Variants in CHD4 observed in about 807,000 individuals in gnomAD.
CHD4 encodes the protein ATP-dependent chromatin remodeler CHD4.
A neutral mutation model predicts 235.5 loss-of-function variants in CHD4; 35 were observed. That is an observed-to-expected ratio of 0.15 (90% CI 0.11 to 0.20). CHD4 has a LOEUF of 0.20. Among genes scored for constraint, CHD4 ranks in the 10% least tolerant of loss-of-function variants. The probability of loss-of-function intolerance (pLI) is 1.00; values close to 1 mark genes in which losing one functional copy is unlikely to be tolerated. For missense variants in CHD4, 1,329 were observed against 2,432.3 expected (o/e 0.55, Z 9.54); for synonymous variants, 900 against 850.2 (o/e 1.06, Z -1.02).
intron 25 of CHD4, among the ~76,000 whole-genome samples, chr12:6,586,037 T>C (rs1389676517): frequency 6.7e-6 from 1 of 150,196 alleles, no homozygotes; most frequent in Non-Finnish European, 1.5e-5. Context: ...GAAGTGGAGG[T>C]TGCAGTAGGC....
intron 1 of CHD4, 189 bp from the exon 2 acceptor site, chr12:6,606,640 C>T: frequency 2.7e-6 from 1 of 364,184 alleles, no homozygotes; most frequent in Non-Finnish European, 5.0e-6. Flanking sequence ...GGCGCCCCCA[C>T]GGAGCGAGGG....
Position 6,583,412 on chromosome 12 carries a change from C to T in CHD4, c.3880-34G>A, listed in dbSNP as rs1350435968. The T allele has an allele frequency of 1.9e-6, 3 of 1,562,906 alleles. No homozygotes were observed. The African/African-American group carries it at 4.1e-5, about 21-fold the overall frequency. ...GAGGGAGGGCCAGGACTCAGGAGTG[C>T]TGAAGTCAGCACCACCAGCTACCCC... On this transcript the variant is annotated intron_variant, in intron 25 of 39. Coordinates refer to ENST00000544040, the MANE Select transcript of CHD4 (RefSeq NM_001273.5).
intron 35 of CHD4, 52 bp downstream of exon 35, chr12:6,578,357 C>A: frequency 6.3e-7 from 1 of 1,590,070 alleles, no homozygotes. Flanking sequence ...TGACAAGAAC[C>A]CCAATTTCAC....
chr12:6,600,081 A>C (rs764506106), intron 9 of CHD4, 69 bp from the exon 10 acceptor site: 372 of 1,478,066 alleles, frequency 2.5e-4, no homozygotes, highest in Non-Finnish European at 3.2e-4. Context: ...GCCAGTGCCC[A>C]TCATTCCTTT....
rs1186688775 is a variant in CHD4, at chr12:6,606,320, C to T, written c.54G>A (p.Glu18=). The T allele has an allele frequency of 7.0e-6, 11 of 1,573,328 alleles. No individual in the cohort carries two copies. In the African/African-American group the frequency reaches 1.4e-4, roughly 20 times the overall value. The change falls in exon 2 of 40, where the codon GAG becomes GAA. Residue 18 remains glutamate (E), a synonymous_variant. Coordinates refer to ENST00000544040, the MANE Select transcript of CHD4 (RefSeq NM_001273.5). The part of the protein sequence containing the change: ...PSPCSAGSEE[E]DMDALLNNSL... ...TGTTGTTCAAAAGTGCATCCATATC[C>T]TCCTCCTCACTGCCCGCCGAGCAGG...
Position 6,578,829 on chromosome 12 carries a change from C to T in CHD4, c.4981+17G>A, listed in dbSNP as rs773022790. 5.0e-6 allele frequency: 8 copies of T among 1,613,354 alleles called. No individual in the cohort carries two copies. In the African/African-American group the frequency reaches 9.3e-5, roughly 19 times the overall value. Reference sequence around the variant, plus strand: ...TAGAGTTCTTCTGAACCACAATCAACTTCTCCAAACACCCACCTTTGTCTT... The same window carrying T: ...TAGAGTTCTTCTGAACCACAATCAATTTCTCCAAACACCCACCTTTGTCTT... On this transcript the variant is annotated intron_variant, in intron 34 of 39. Coordinates refer to ENST00000544040, the MANE Select transcript of CHD4 (RefSeq NM_001273.5).
At position 6,605,942 on chromosome 12, in the gene CHD4, A is replaced by C. The variant is rs557106737; in HGVS notation, c.100+332T>G. 2.0e-5 allele frequency among the ~76,000 whole-genome samples: 3 copies of C among 152,074 alleles called. No homozygotes were observed. In the East Asian group the frequency reaches 5.8e-4, roughly 29 times the overall value. ...AACGCCCCCCTCCACCACCACCACC[A>C]CAAGCCTCCAGGGGTCCCAGCTACC... On this transcript the variant is annotated intron_variant, in intron 2 of 39. Coordinates refer to ENST00000544040, the MANE Select transcript of CHD4 (RefSeq NM_001273.5).
intron 2 of CHD4, among the ~76,000 whole-genome samples, chr12:6,605,621 G>A (rs1034088300): frequency 5.9e-5 from 9 of 152,140 alleles, no homozygotes; most frequent in African/African-American, 2.2e-4. Context: ...AGGAGGAGGA[G>A]TGCCCTCCCT....
At chr12:6,606,165 G>A (rs907831302) in intron 2 of CHD4, 109 bp downstream of exon 2, 2 of 720,882 alleles carry the variant, frequency 2.8e-6, no homozygotes, top group South Asian at 1.9e-5. Context: ...CTCCACCTCC[G>A]GCTCTGCACA....
chr12:6,602,331 T>C, intron 3 of CHD4, 45 bp downstream of exon 3: 1 of 1,610,396 alleles, frequency 6.2e-7, no homozygotes, highest in South Asian at 1.1e-5. Flanking sequence ...TCAGAGCTCC[T>C]CCCTTCTTCC....
At chr12:6,596,249 G>A (rs976923597) in intron 12 of CHD4, 112 bp from the exon 13 acceptor site, 1 of 1,353,026 alleles carries the variant, frequency 7.4e-7, no homozygotes, top group African/African-American at 1.5e-5. Context: ...GTATGCCACA[G>A]ATCACACGTT....
At chr12:6,606,872 A>C (rs1428314260) in intron 1 of CHD4, 1 of 152,910 alleles carries the variant, frequency 6.5e-6, no homozygotes, top group African/African-American at 2.4e-5. Flanking sequence ...GCAGCTCTCC[A>C]AAGGCTGTCC....
chr12:6,585,093 C>T (rs1178563528), intron 25 of CHD4, among the ~76,000 whole-genome samples: 1 of 152,064 alleles, frequency 6.6e-6, no homozygotes, highest in Non-Finnish European at 1.5e-5. Flanking sequence ...GAACCAATGC[C>T]AACTGAAAGA....
chr12:6,579,014 C>T, intron 33 of CHD4, 97 bp from the exon 34 acceptor site: 1 of 1,158,628 alleles, frequency 8.6e-7, no homozygotes, highest in Non-Finnish European at 1.3e-6. Flanking sequence ...ATCTAAATGT[C>T]TGCAATTACA....
intron 2 of CHD4, among the ~76,000 whole-genome samples, chr12:6,603,461 G>A (rs1948633500): frequency 6.7e-6 from 1 of 148,812 alleles, no homozygotes; most frequent in South Asian, 2.1e-4. Context: ...TGAGGAGAGG[G>A]AAAATGGCTC....
chr12:6,606,488 G>A (rs1948703290), intron 1 of CHD4, 37 bp from the exon 2 acceptor site: 3 of 575,240 alleles, frequency 5.2e-6, no homozygotes, highest in Admixed American at 3.8e-5. Context: ...AGAACAGTCA[G>A]TGACGCGCAC....
intron 25 of CHD4, chr12:6,584,720 T>TA (rs1445781786): frequency 6.6e-6 from 1 of 152,206 alleles, no homozygotes; most frequent in Non-Finnish European, 1.5e-5. Context: ...TTCTATCTAT[T>TA]AAAAATAAAA....
At chr12:6,581,967 T>C (rs1948201350) in intron 30 of CHD4, among the ~76,000 whole-genome samples, 153 bp from the exon 31 acceptor site, 1 of 152,138 alleles carries the variant, frequency 6.6e-6, no homozygotes, top group Non-Finnish European at 1.5e-5. Flanking sequence ...CACGTGCAGC[T>C]AATTTTTGTA....
chr12:6,574,856 T>TG (rs1287417758), intron 37 of CHD4, among the ~76,000 whole-genome samples: 5 of 152,250 alleles, frequency 3.3e-5, no homozygotes, highest in African/African-American at 1.2e-4. Context: ...AGTCAGGAGT[T>TG]GGCAAGCTAC....
Sources: gnomAD v4.1 joint callset for allele counts (sites outside exome capture counted in the v4.1 genomes callset) on GRCh38, gnomAD v4.1.1 for gene constraint, MANE v1.5 for transcripts, NCBI Gene and HGNC (gene_info 2026-07-23, HGNC 2026-07-21) for gene names.